The following PALM2AKAP2 variants were observed in gnomAD, a reference collection of about 807,000 sequenced individuals.
The protein encoded by PALM2AKAP2 is PALM2 and AKAP2 fusion.
In PALM2AKAP2, 37 loss-of-function variants were observed where a neutral mutation model predicts 71.5. The ratio of observed to expected loss-of-function variants is 0.52; its 90% confidence interval spans 0.40 to 0.68. The LOEUF is 0.68. PALM2AKAP2 is among the 30% of genes least tolerant of loss of function. The pLI, the probability that PALM2AKAP2 is intolerant of heterozygous loss-of-function variation, is 0.00. For synonymous variants in PALM2AKAP2, 468 were observed against 478.8 expected, an observed-to-expected ratio of 0.98 and a Z score of 0.29; for missense variants, 1,224 against 1,191.8, an observed-to-expected ratio of 1.03 and a Z score of -0.40.
upstream of PALM2AKAP2, among the ~76,000 whole-genome samples, chr9:110,047,500 GTGTTTCACATGTAAAAT>G (rs1833622640): frequency 6.6e-6 from 1 of 152,198 alleles, no homozygotes; most frequent in Admixed American, 6.5e-5. Context: ...TTTCCCTGCT[GTGTTTCACATGTAAAAT>G]TGACTCCCAG....
intron 3 of PALM2AKAP2, among the ~76,000 whole-genome samples, chr9:109,914,950 C>T (rs1676836239): frequency 6.6e-6 from 1 of 152,172 alleles, no homozygotes; most frequent in Non-Finnish European, 1.5e-5. Flanking sequence ...CATGAAGGGT[C>T]CCAGGAGTCC....
chr9:109,719,818 A>G (rs1305965235), intron 1 of PALM2AKAP2, among the ~76,000 whole-genome samples: 1 of 152,148 alleles, frequency 6.6e-6, no homozygotes, highest in African/African-American at 2.4e-5. Flanking sequence ...AGATCCTCCA[A>G]GGGCTGAGAG....
chr9:109,901,907 C>G (rs757758573), intron 3 of PALM2AKAP2, among the ~76,000 whole-genome samples: 5 of 152,148 alleles, frequency 3.3e-5, no homozygotes, highest in Non-Finnish European at 7.3e-5. Flanking sequence ...AAGAATCAGA[C>G]AGAAGCAGCG....
intron 1 of PALM2AKAP2, among the ~76,000 whole-genome samples, chr9:109,738,503 T>G (rs1025231491): frequency 6.6e-6 from 1 of 152,186 alleles, no homozygotes; most frequent in Non-Finnish European, 1.5e-5. Context: ...GGATAAAAGA[T>G]CAATATAAAA....
intron 3 of PALM2AKAP2, among the ~76,000 whole-genome samples, chr9:109,896,012 C>T (rs981806655): frequency 2.0e-5 from 3 of 151,920 alleles, no homozygotes; most frequent in South Asian, 2.1e-4. Flanking sequence ...GGTGAAACCC[C>T]GTCTCTACTA....
chr9:109,715,607 G>A (rs934952450), intron 1 of PALM2AKAP2, among the ~76,000 whole-genome samples: 6 of 152,100 alleles, frequency 3.9e-5, no homozygotes, highest in African/African-American at 1.2e-4. Flanking sequence ...TGTGCGTGTC[G>A]TGTTTTGTCT....
intron 7 of PALM2AKAP2, among the ~76,000 whole-genome samples, chr9:110,018,372 A>G (rs28721871): frequency 1.3e-5 from 2 of 152,180 alleles, no homozygotes; most frequent in Non-Finnish European, 2.9e-5. Context: ...TCTGTCACCC[A>G]GGCTGGAGTG....
At chr9:110,113,440 T>A (rs953411727) in intron 1 of PALM2AKAP2, among the ~76,000 whole-genome samples, 1 of 152,000 alleles carries the variant, frequency 6.6e-6, no homozygotes, top group Non-Finnish European at 1.5e-5. Flanking sequence ...GGTTTCACCA[T>A]GTTGACCAGG....
At chr9:110,051,602 T>C (rs576699493) in intron 1 of PALM2AKAP2, among the ~76,000 whole-genome samples, 1 of 152,308 alleles carries the variant, frequency 6.6e-6, no homozygotes, top group South Asian at 2.1e-4. Context: ...TGAATTTGGA[T>C]GGAGGTTGTG....
chr9:110,099,236 G>A (rs1211654417), intron 1 of PALM2AKAP2, among the ~76,000 whole-genome samples: 2 of 152,220 alleles, frequency 1.3e-5, no homozygotes, highest in African/African-American at 4.8e-5. Flanking sequence ...ATCAATTTCT[G>A]TAGAAATAGA....
chr9:109,991,499 A>G (rs72754928), intron 6 of PALM2AKAP2, among the ~76,000 whole-genome samples: 3,472 of 152,126 alleles, frequency 0.023, 55 homozygotes, highest in Non-Finnish European at 0.034. Context: ...TTGGCCTCCC[A>G]AGGTGTAAGG....
At chr9:110,086,492 C>T (rs1834577497) in intron 1 of PALM2AKAP2, among the ~76,000 whole-genome samples, 1 of 152,182 alleles carries the variant, frequency 6.6e-6, no homozygotes, top group Admixed American at 6.5e-5. Context: ...CAGAGAATGA[C>T]TTGTACCATT....
intron 1 of PALM2AKAP2, among the ~76,000 whole-genome samples, chr9:109,690,027 T>C (rs545648993): frequency 6.6e-6 from 1 of 151,956 alleles, no homozygotes; most frequent in South Asian, 2.1e-4. Flanking sequence ...TTTTTCCTCT[T>C]AAACAATCAG....
At chr9:110,005,538 T>C (rs1489446310) in intron 6 of PALM2AKAP2, among the ~76,000 whole-genome samples, 3 of 152,208 alleles carry the variant, frequency 2.0e-5, no homozygotes, top group African/African-American at 7.2e-5. Context: ...GGAGAACCAC[T>C]ACTCTCTTCA....
intron 7 of PALM2AKAP2, among the ~76,000 whole-genome samples, chr9:110,035,547 GTT>G (rs1294782545): frequency 7.1e-6 from 1 of 141,494 alleles, no homozygotes. Flanking sequence ...TATGTTGTGT[GTT>G]ATATATAACA....
At chr9:110,121,634 T>G (rs1357170007) in intron 1 of PALM2AKAP2, among the ~76,000 whole-genome samples, 1 of 152,224 alleles carries the variant, frequency 6.6e-6, no homozygotes, top group Non-Finnish European at 1.5e-5. Context: ...AACCTGTTTT[T>G]GGAACTTTCT....
At chr9:110,097,715 G>C (rs1829983046) in intron 1 of PALM2AKAP2, among the ~76,000 whole-genome samples, 1 of 145,484 alleles carries the variant, frequency 6.9e-6, no homozygotes, top group African/African-American at 2.7e-5. Context: ...CATCCCAGAC[G>C]ATGGGCGGCC....
chr9:110,027,413 C>T (rs1833199975), intron 7 of PALM2AKAP2, among the ~76,000 whole-genome samples: 2 of 152,296 alleles, frequency 1.3e-5, no homozygotes, highest in African/African-American at 2.4e-5. Context: ...TTATCTTGCC[C>T]TCTTGTCCAT....
intron 1 of PALM2AKAP2, among the ~76,000 whole-genome samples, chr9:110,073,245 T>C (rs377039818): frequency 3.3e-5 from 5 of 152,210 alleles, no homozygotes; most frequent in Admixed American, 6.5e-5. Flanking sequence ...GCGTCATTGC[T>C]GGTCTTGTGT....
Sources: gnomAD v4.1 joint callset for allele counts (sites outside exome capture counted in the v4.1 genomes callset) on GRCh38, gnomAD v4.1.1 for gene constraint, MANE v1.5 for transcripts, NCBI Gene and HGNC (gene_info 2026-07-23, HGNC 2026-07-21) for gene names.